LUZP2: variants seen among roughly 807,000 people sequenced by gnomAD.
The protein encoded by LUZP2 is leucine zipper protein 2.
In LUZP2, 52 loss-of-function variants were observed where a neutral mutation model predicts 51.6. The observed-to-expected ratio is 1.01, with a 90% CI of 0.81 to 1.27. The LOEUF (loss-of-function observed/expected upper bound fraction) is 1.27, where lower values mean the gene tolerates loss of function less well. Among genes scored for constraint, LUZP2 ranks in the 50% most tolerant of loss-of-function variants. The probability of loss-of-function intolerance (pLI) is 0.00; values close to 1 mark genes in which losing one functional copy is unlikely to be tolerated. For synonymous variants in LUZP2, 154 were observed against 137.3 expected (o/e 1.12, Z -0.85); for missense variants, 436 against 395.4 (o/e 1.10, Z -0.87).
intron 7 of LUZP2, among the ~76,000 whole-genome samples, chr11:24,963,420 A>T (rs1433403414): frequency 6.6e-6 from 1 of 152,186 alleles, no homozygotes; most frequent in Admixed American, 6.5e-5. Flanking sequence ...GGCTCCACCC[A>T]GTTCGAGCTT....
intron 5 of LUZP2, among the ~76,000 whole-genome samples, chr11:24,771,466 T>C (rs1328193326): frequency 6.9e-6 from 1 of 145,356 alleles, no homozygotes; most frequent in Non-Finnish European, 1.5e-5. Context: ...TGCCTTGAAG[T>C]TAGAAACCTA....
chr11:24,570,554 T>C (rs1553741), intron 1 of LUZP2, among the ~76,000 whole-genome samples: 63,420 of 151,850 alleles, frequency 0.42, 13,773 homozygotes, highest in African/African-American at 0.51. Context: ...AGACTAATCC[T>C]CCATTTCAAC....
At chr11:24,544,809 G>A (rs1851488369) in intron 1 of LUZP2, among the ~76,000 whole-genome samples, 1 of 152,008 alleles carries the variant, frequency 6.6e-6, no homozygotes, top group Non-Finnish European at 1.5e-5. Flanking sequence ...CCCAGTAATG[G>A]GATTGCTAGG....
intron 1 of LUZP2, among the ~76,000 whole-genome samples, chr11:24,587,709 G>T (rs1363237596): frequency 6.6e-6 from 1 of 152,044 alleles, no homozygotes; most frequent in Non-Finnish European, 1.5e-5. Flanking sequence ...CTAGCACTGG[G>T]ATTAATATTG....
intron 9 of LUZP2, among the ~76,000 whole-genome samples, chr11:25,005,956 CA>C (rs1856823294): frequency 6.6e-6 from 1 of 152,068 alleles, no homozygotes; most frequent in African/African-American, 2.4e-5. Context: ...AGTGGAGGGC[CA>C]AACCCTGAGT....
chr11:24,738,764 C>A (rs1859031292), intron 4 of LUZP2, among the ~76,000 whole-genome samples: 1 of 152,076 alleles, frequency 6.6e-6, no homozygotes, highest in Admixed American at 6.6e-5. Context: ...TCAAACTCCT[C>A]TCCTGACAGC....
chr11:24,939,743 T>G (rs1055892880), intron 7 of LUZP2, among the ~76,000 whole-genome samples: 1 of 152,174 alleles, frequency 6.6e-6, no homozygotes, highest in African/African-American at 2.4e-5. Context: ...GATAGGCTGA[T>G]GTCAAATCAT....
Position 24,983,298 on chromosome 11 carries a change from C to T in LUZP2, c.765+5C>T. ...GATGCAGCGGCCAAAAGCAAGGTACCTACCTTTTATTTGCGCTTTGTAAAG... is the reference window on the plus strand; with the variant it reads ...GATGCAGCGGCCAAAAGCAAGGTACTTACCTTTTATTTGCGCTTTGTAAAG... On this transcript the variant is annotated splice_donor_5th_base_variant and intron_variant, in intron 9 of 11. Transcript: ENST00000336930. 1.2e-6 allele frequency: 2 copies of T among 1,610,580 alleles called. No individual in the cohort carries two copies. The highest frequency in any genetic ancestry group is 3.3e-4 in the Middle Eastern group (2 of 6,030).
At chr11:24,677,240 A>ACTAT in intron 1 of LUZP2, among the ~76,000 whole-genome samples, 1 of 152,176 alleles carries the variant, frequency 6.6e-6, no homozygotes, top group South Asian at 2.1e-4. Flanking sequence ...TTCACTTATA[A>ACTAT]TCCATCAAAA....
chr11:24,546,049 A>C (rs145054120), intron 1 of LUZP2, among the ~76,000 whole-genome samples: 14 of 151,954 alleles, frequency 9.2e-5, no homozygotes, highest in Admixed American at 9.2e-4. Flanking sequence ...AGCAATTGTG[A>C]AATGGGACTG....
At chr11:24,746,589 G>A (rs1027232691) in intron 4 of LUZP2, among the ~76,000 whole-genome samples, 2 of 152,112 alleles carry the variant, frequency 1.3e-5, no homozygotes, top group Non-Finnish European at 2.9e-5. Flanking sequence ...GTATTTGAAT[G>A]TCTAGTTCTC....
intron 1 of LUZP2, among the ~76,000 whole-genome samples, chr11:24,615,239 C>A (rs1053220105): frequency 5.3e-5 from 8 of 151,840 alleles, no homozygotes; most frequent in Non-Finnish European, 1.2e-4. Flanking sequence ...CTGAGACCAT[C>A]GAGATACAGA....
At chr11:24,507,951 AGTG>A (rs1850190761) in intron 1 of LUZP2, among the ~76,000 whole-genome samples, 1 of 151,522 alleles carries the variant, frequency 6.6e-6, no homozygotes. Context: ...ATTCTCCTAG[AGTG>A]AAAAAAGAAA....
chr11:24,552,671 G>T (rs1208264033), intron 1 of LUZP2, among the ~76,000 whole-genome samples: 1 of 151,818 alleles, frequency 6.6e-6, no homozygotes, highest in African/African-American at 2.4e-5. Flanking sequence ...AACATAAAAT[G>T]CAATAGAAAT....
At chr11:24,725,912 T>C (rs1305671465) in intron 1 of LUZP2, among the ~76,000 whole-genome samples, 2 of 152,046 alleles carry the variant, frequency 1.3e-5, no homozygotes, top group Non-Finnish European at 2.9e-5. Context: ...GAAGATGCTG[T>C]GGAGAGACAT....
At chr11:24,997,906 A>T (rs28887477) in intron 9 of LUZP2, among the ~76,000 whole-genome samples, 2 of 151,542 alleles carry the variant, frequency 1.3e-5, no homozygotes, top group East Asian at 2.0e-4. Context: ...TTTTTCTCAG[A>T]TTTGTCAAAG....
chr11:24,519,801 C>CT (rs1302844883), intron 1 of LUZP2, among the ~76,000 whole-genome samples: 2 of 151,970 alleles, frequency 1.3e-5, no homozygotes, highest in African/African-American at 4.8e-5. Context: ...TTAAAAAAGG[C>CT]TTTTTTCAAA....
intron 7 of LUZP2, among the ~76,000 whole-genome samples, chr11:24,973,779 G>A (rs1362897853): frequency 6.6e-6 from 1 of 152,032 alleles, no homozygotes; most frequent in Non-Finnish European, 1.5e-5. Context: ...TGATTTGATT[G>A]TGCTGTGGTC....
At chr11:24,726,170 G>C (rs2133960483) in intron 1 of LUZP2, among the ~76,000 whole-genome samples, 1 of 152,158 alleles carries the variant, frequency 6.6e-6, no homozygotes, top group Middle Eastern at 3.4e-3. Context: ...AATTCACAGA[G>C]AAAGAAATAC....
Sources: gnomAD v4.1 joint callset for allele counts (sites outside exome capture counted in the v4.1 genomes callset) on GRCh38, gnomAD v4.1.1 for gene constraint, MANE v1.5 for transcripts, NCBI Gene and HGNC (gene_info 2026-07-23, HGNC 2026-07-21) for gene names.